TRPV3: variants seen among roughly 807,000 people sequenced by gnomAD.
The protein encoded by TRPV3 is VRL-3.
In TRPV3, 88 loss-of-function variants were observed where a neutral mutation model predicts 87.1. The observed-to-expected ratio is 1.01, with a 90% CI of 0.85 to 1.21. TRPV3 has a LOEUF of 1.21. Ranked by LOEUF, TRPV3 falls within the 50% of genes most tolerant of loss-of-function variation. The probability of loss-of-function intolerance (pLI) is 0.00; values close to 1 mark genes in which losing one functional copy is unlikely to be tolerated. For synonymous variants in TRPV3, 438 were observed against 423.3 expected (o/e 1.03, Z -0.43); for missense variants, 1,054 against 1,030.1 (o/e 1.02, Z -0.32).
chr17:3,520,585 T>C (rs2074236994), intron 14 of TRPV3, among the ~76,000 whole-genome samples: 2 of 152,198 alleles, frequency 1.3e-5, no homozygotes, highest in East Asian at 3.9e-4. Context: ...TGGCCTGGTT[T>C]GAATCCTGGA....
chr17:3,526,763 G>A (rs2074303711), intron 12 of TRPV3, 91 bp downstream of exon 12: 4 of 1,011,754 alleles, frequency 4.0e-6, no homozygotes, highest in African/African-American at 3.2e-5. Context: ...TGGCACAGTA[G>A]GATATTTGTT....
At chr17:3,536,648 A>G (rs1445713064) in intron 6 of TRPV3, among the ~76,000 whole-genome samples, 1 of 152,190 alleles carries the variant, frequency 6.6e-6, no homozygotes, top group African/African-American at 2.4e-5. Context: ...GTTGGAGGGC[A>G]CATGAAGGGT....
intron 9 of TRPV3, 100 bp from the exon 10 acceptor site, chr17:3,529,095 G>A: frequency 2.2e-6 from 3 of 1,354,624 alleles, no homozygotes; most frequent in Non-Finnish European, 3.1e-6. Context: ...CTGCAGAAGG[G>A]GCCCATCATT....
At chr17:3,521,236 T>C (rs1437195592) in intron 13 of TRPV3, among the ~76,000 whole-genome samples, 197 bp from the exon 14 acceptor site, 1 of 151,484 alleles carries the variant, frequency 6.6e-6, no homozygotes, top group Admixed American at 6.6e-5. Context: ...AAGCCTTCTG[T>C]TTCTGCTCCA....
intron 17 of TRPV3, chr17:3,514,358 C>T (rs548075663): frequency 2.5e-5 from 14 of 556,148 alleles, no homozygotes; most frequent in Middle Eastern, 4.8e-4. Context: ...GGATTACAGG[C>T]ACGAGCCACC....
At chr17:3,543,165 T>C (rs368950870) in intron 5 of TRPV3, among the ~76,000 whole-genome samples, 4 of 152,062 alleles carry the variant, frequency 2.6e-5, no homozygotes, top group Non-Finnish European at 5.9e-5. Context: ...ATCCTGCCAA[T>C]GCTACTGGCC....
At chr17:3,520,905 T>C (rs571883754) in intron 14 of TRPV3, 68 bp downstream of exon 14, 9 of 1,113,454 alleles carry the variant, frequency 8.1e-6, no homozygotes, top group African/African-American at 7.9e-5. Flanking sequence ...GCCATGCACT[T>C]TGCCATTTTG....
chr17:3,515,167 CACACCCAGAGA>C (rs768138164), intron 16 of TRPV3, among the ~76,000 whole-genome samples: 4 of 152,174 alleles, frequency 2.6e-5, no homozygotes, highest in Non-Finnish European at 5.9e-5. Flanking sequence ...GACTTCAATT[CACACCCAGAGA>C]ACATCTCTAG....
At chr17:3,529,036 G>A (rs745897876) in intron 9 of TRPV3, 41 bp from the exon 10 acceptor site, 17 of 1,612,192 alleles carry the variant, frequency 1.1e-5, no homozygotes, top group Non-Finnish European at 1.4e-5. Flanking sequence ...AGATGAGGGA[G>A]AGAGGGAGGG....
intron 2 of TRPV3, 69 bp from the exon 3 acceptor site, chr17:3,545,340 C>T: frequency 8.0e-7 from 1 of 1,253,582 alleles, no homozygotes; most frequent in South Asian, 1.3e-5. Flanking sequence ...GTCCTGCCTC[C>T]TGGCCCCAGA....
rs552439032 is a variant in TRPV3, at chr17:3,530,426, G to A, written c.1066-223C>T. Among the ~76,000 whole-genome samples the A allele has an allele frequency of 2.0e-5, 3 of 152,022 alleles. No homozygotes were observed. The South Asian group carries it at 6.2e-4, about 32-fold the overall frequency. Reference sequence around the variant, plus strand: ...TCTCACTGGGGGTTGTGAATACCAGGGACAAAGGGTGTGAAGGTTCTTCGC... The same window carrying A: ...TCTCACTGGGGGTTGTGAATACCAGAGACAAAGGGTGTGAAGGTTCTTCGC... On this transcript the variant is annotated intron_variant, in intron 8 of 17. Transcript: ENST00000576742. This position sits in a 1 kb window ranked among gnomAD's most constrained non-coding sequence, Gnocchi z 4.0.
At position 3,530,328 on chromosome 17, in the gene TRPV3, C is replaced by G; in HGVS notation, c.1066-125G>C. On this transcript the variant is annotated intron_variant, in intron 8 of 17. Coordinates refer to ENST00000576742, the MANE Select transcript of TRPV3 (RefSeq NM_145068.4). This position sits in a 1 kb window ranked among gnomAD's most constrained non-coding sequence, Gnocchi z 4.0. ...GCCCAGAATGGGTGGAGACCTGCCT[C>G]TGCGCCTGGCGCCATGGCCCCTGGG... The G allele has an allele frequency of 1.1e-6, 1 of 919,758 alleles. No individual in the cohort carries two copies. Among genetic ancestry groups the G allele is most frequent in the South Asian group, 2.0e-5 (1 of 50,962 alleles). The allele number at this position is 919,758 out of a possible 1,614,324, so 57.0% of individuals were successfully genotyped here.
chr17:3,528,114 G>T lies in TRPV3; in HGVS notation c.1414C>A (p.Pro472Thr). ...RPREEEAIPH[P>T]LALTHKMGWL... ...CCCATCTTGTGCGTCAGGGCCAAGG[G>T]GTGCGGGATGGCCTGCAGGGAAAGA... is the stretch of plus-strand genomic sequence containing the variant. Residue 472 changes from proline to threonine, a missense_variant, in exon 11 of 18, where the codon CCC (proline) becomes ACC (threonine). Pro to Thr is a conservative substitution (Grantham distance 38). Transcript: ENST00000576742. The surrounding 1 kb of genome is among the most constrained non-coding windows in gnomAD (Gnocchi z 4.2). 6 of 1,612,762 alleles carry T rather than the reference G, an allele frequency of 3.7e-6. No individual in the cohort carries two copies. The highest frequency in any genetic ancestry group is 5.1e-6 in the Non-Finnish European group (6 of 1,179,452).
intron 16 of TRPV3, among the ~76,000 whole-genome samples, chr17:3,515,078 G>T (rs751480318): frequency 3.3e-5 from 5 of 152,178 alleles, no homozygotes; most frequent in African/African-American, 1.2e-4. Flanking sequence ...GAAGCACGAA[G>T]AGCCTGTGGT....
chr17:3,542,817 C>G (rs1032951774), intron 5 of TRPV3, 119 bp from the exon 6 acceptor site: 67 of 1,058,180 alleles, frequency 6.3e-5, no homozygotes, highest in Non-Finnish European at 9.1e-5. Context: ...CATCTCCACT[C>G]CCAGACCTTA....
intron 4 of TRPV3, 150 bp from the exon 5 acceptor site, chr17:3,543,778 T>G: frequency 9.8e-7 from 1 of 1,018,960 alleles, no homozygotes; most frequent in South Asian, 1.6e-5. Flanking sequence ...GGGCTCTGTG[T>G]GGACCCATCA....
Position 3,528,674 on chromosome 17 carries a change from C to A in TRPV3, c.1401+163G>T, listed in dbSNP as rs933344050. 2.6e-5 allele frequency among the ~76,000 whole-genome samples: 4 copies of A among 152,202 alleles called. No individual in the cohort carries two copies. Among genetic ancestry groups the A allele is most frequent in the Admixed American group, 1.3e-4 (2 of 15,276 alleles). The stretch of plus-strand genomic sequence containing the variant: ...CCTGGGGCTTAGCCCAGGCTAAGCA[C>A]TGAAGACATATTCAGTTCCCTGGGA... On this transcript the variant is annotated intron_variant, in intron 10 of 17. Transcript: ENST00000576742. The surrounding 1 kb of genome is among the most constrained non-coding windows in gnomAD (Gnocchi z 4.2).
intron 2 of TRPV3, 24 bp downstream of exon 2, chr17:3,554,708 G>T: frequency 1.3e-6 from 2 of 1,534,276 alleles, no homozygotes; most frequent in Non-Finnish European, 9.0e-7. Flanking sequence ...GCCGCAGTCC[G>T]TGTCCCGAGC....
At position 3,511,753 on chromosome 17, in the gene TRPV3, C is replaced by T. The variant is rs1342551970; in HGVS notation, c.*2164G>A. On this transcript the variant is annotated 3_prime_UTR_variant, in exon 18 of 18. Coordinates refer to ENST00000576742, the MANE Select transcript of TRPV3 (RefSeq NM_145068.4). The stretch of plus-strand genomic sequence containing the variant: ...GCTGGCAGGTTAGGCAAATAGAAAT[C>T]AATAATTGGCTTTATCCATTAACAT... The T allele has an allele frequency of 6.6e-6, 1 of 152,212 alleles. No individual in the cohort carries two copies. Among genetic ancestry groups the T allele is most frequent in the Non-Finnish European group, 1.5e-5 (1 of 68,050 alleles). The allele number at this position is 152,212 out of a possible 1,614,324, so 9.4% of individuals were successfully genotyped here. A position where few individuals can be genotyped will look rare whatever the true frequency, so the allele number is the denominator to read the frequency against.
Sources: allele counts gnomAD v4.1 joint callset (sites outside exome capture counted in the v4.1 genomes callset), GRCh38; gene constraint gnomAD v4.1.1; non-coding constraint Gnocchi (gnomAD v3.1); transcripts MANE v1.5; gene names NCBI Gene and HGNC (gene_info 2026-07-23, HGNC 2026-07-21).